Variants in SH2D4A observed in about 807,000 individuals in gnomAD.
SH2D4A encodes the protein SH2 domain containing 4A.
SH2D4A carries 70 observed loss-of-function variants against 64.7 expected under a neutral mutation model. The ratio of observed to expected loss-of-function variants is 1.08; its 90% CI spans 0.89 to 1.32. The LOEUF (loss-of-function observed/expected upper bound fraction) is 1.32, where lower values mean the gene tolerates loss of function less well. SH2D4A is among the 40% of genes most tolerant of loss of function. The pLI is 0.00. For synonymous variants in SH2D4A, 268 were observed against 200.7 expected, an observed-to-expected ratio of 1.34 and a Z score of -2.83; for missense variants, 706 against 540.1, an observed-to-expected ratio of 1.31 and a Z score of -3.04.
chr8:19,355,216 CA>C (rs1165714093), intron 4 of SH2D4A, among the ~76,000 whole-genome samples: 1 of 152,026 alleles, frequency 6.6e-6, no homozygotes, highest in East Asian at 1.9e-4. Context: ...ATCCTTTTTG[CA>C]AAACGGTGCC....
intron 1 of SH2D4A, among the ~76,000 whole-genome samples, chr8:19,315,094 T>C (rs893020114): frequency 1.4e-5 from 2 of 146,766 alleles, no homozygotes; most frequent in Admixed American, 1.3e-4. Context: ...CCGCAGTTAC[T>C]TTTTTTTTGG....
intron 7 of SH2D4A, among the ~76,000 whole-genome samples, chr8:19,365,571 C>G (rs2052979826): frequency 6.6e-6 from 1 of 152,154 alleles, no homozygotes; most frequent in African/African-American, 2.4e-5. Flanking sequence ...ATGGAAATGA[C>G]TTGTAGATGT....
At position 19,394,616 on chromosome 8, in the gene SH2D4A, CCTGA is replaced by C. The variant is rs1563218059; in HGVS notation, c.1342_1345del (p.Asp448ThrfsTer44). The C allele has an allele frequency of 6.2e-7, 1 of 1,610,854 alleles. No homozygotes were observed. The highest frequency in any genetic ancestry group is 8.5e-7 in the Non-Finnish European group (1 of 1,178,070). ...TCCCTGTGGTCAGCAGGACCAGCTGCCTGACTACCTGGAGCTGTTTGAGTGACAG... is the reference window on the plus strand; with the variant it reads ...TCCCTGTGGTCAGCAGGACCAGCTGCCTACCTGGAGCTGTTTGAGTGACAG... On this transcript the variant is annotated frameshift_variant, in exon 10 of 10. Coordinates refer to ENST00000265807, the MANE Select transcript of SH2D4A (RefSeq NM_022071.4). LOFTEE classifies it high-confidence loss of function.
At chr8:19,359,649 G>A (rs895120681) in intron 5 of SH2D4A, among the ~76,000 whole-genome samples, 38 of 151,916 alleles carry the variant, frequency 2.5e-4, no homozygotes, top group African/African-American at 8.2e-4. Flanking sequence ...ATTTTCAAAT[G>A]TTGGCAAACA....
At chr8:19,353,676 T>TTTTTG in intron 4 of SH2D4A, among the ~76,000 whole-genome samples, 1 of 136,724 alleles carries the variant, frequency 7.3e-6, no homozygotes, top group African/African-American at 2.9e-5. Context: ...CTCTAGCTGT[T>TTTTTG]TTTTTTTTTT....
intron 8 of SH2D4A, among the ~76,000 whole-genome samples, chr8:19,374,844 C>T (rs939126669): frequency 1.3e-5 from 2 of 152,048 alleles, no homozygotes; most frequent in Non-Finnish European, 2.9e-5. Context: ...ATGCATTAGC[C>T]GCGGCTGTCT....
intron 7 of SH2D4A, among the ~76,000 whole-genome samples, chr8:19,367,543 T>C (rs1283755134): frequency 6.6e-6 from 1 of 152,210 alleles, no homozygotes; most frequent in East Asian, 1.9e-4. Flanking sequence ...ATGTCTTCTT[T>C]TGAGAAATGC....
At chr8:19,328,287 A>G (rs2117195490) in intron 2 of SH2D4A, among the ~76,000 whole-genome samples, 1 of 152,198 alleles carries the variant, frequency 6.6e-6, no homozygotes, top group Non-Finnish European at 1.5e-5. Context: ...TGGATTCCAG[A>G]TGTCGATTGA....
chr8:19,353,677 T>TTTTTTG (rs1554481608), intron 4 of SH2D4A, among the ~76,000 whole-genome samples: 8 of 144,410 alleles, frequency 5.5e-5, no homozygotes, highest in African/African-American at 2.1e-4. Context: ...TCTAGCTGTT[T>TTTTTTG]TTTTTTTTTT....
At chr8:19,321,747 A>G (rs2052195551) in intron 2 of SH2D4A, among the ~76,000 whole-genome samples, 2 of 152,180 alleles carry the variant, frequency 1.3e-5, no homozygotes, top group South Asian at 4.1e-4. Context: ...CACCATGTTC[A>G]CTGTGAACAT....
chr8:19,317,914 A>G (rs1482093569), intron 1 of SH2D4A, among the ~76,000 whole-genome samples: 1 of 147,926 alleles, frequency 6.8e-6, no homozygotes. Context: ...TTCTTTTTTT[A>G]TTTTTGAGAC....
At chr8:19,325,500 TC>T (rs1449960448) in intron 2 of SH2D4A, among the ~76,000 whole-genome samples, 1 of 152,134 alleles carries the variant, frequency 6.6e-6, no homozygotes, top group Non-Finnish European at 1.5e-5. Context: ...ACTTTTCTGT[TC>T]CCCCAACTCT....
rs149104501 is a variant in SH2D4A, at chr8:19,383,762, C to T, written c.1049-9556C>T. Reference sequence around the variant, plus strand: ...ATGGCCATGAATAGTCATAATTTTCCGCATATATGCAATTATTTTTGAATG... The same window carrying T: ...ATGGCCATGAATAGTCATAATTTTCTGCATATATGCAATTATTTTTGAATG... On this transcript the variant is annotated intron_variant, in intron 8 of 9. Transcript: ENST00000265807. Among the ~76,000 whole-genome samples, 159 of 151,942 alleles carry T rather than the reference C, an allele frequency of 1.0e-3. 1 individual carries two copies. The highest frequency in any genetic ancestry group is 3.5e-3 in the African/African-American group (145 of 41,408).
At chr8:19,339,195 G>C (rs1359450414) in intron 4 of SH2D4A, among the ~76,000 whole-genome samples, 1 of 152,208 alleles carries the variant, frequency 6.6e-6, no homozygotes, top group Non-Finnish European at 1.5e-5. Context: ...AGACTCAGAA[G>C]GTCTAGTCCT....
chr8:19,384,033 G>T (rs2053343425), intron 8 of SH2D4A, among the ~76,000 whole-genome samples: 2 of 152,216 alleles, frequency 1.3e-5, no homozygotes, highest in African/African-American at 4.8e-5. Flanking sequence ...TGCAGTTTAA[G>T]TTCATCTCTC....
At chr8:19,330,780 C>G (rs913096301) in intron 2 of SH2D4A, among the ~76,000 whole-genome samples, 10 of 152,032 alleles carry the variant, frequency 6.6e-5, no homozygotes, top group South Asian at 6.2e-4. Context: ...AAAAAAAATA[C>G]CGACAGAGAA....
intron 4 of SH2D4A, among the ~76,000 whole-genome samples, chr8:19,349,170 C>G (rs2052659006): frequency 1.3e-5 from 2 of 152,010 alleles, no homozygotes; most frequent in Non-Finnish European, 2.9e-5. Flanking sequence ...TTGGACATAC[C>G]AGGTAAAAAC....
rs559003016 is a variant in SH2D4A at position 19,358,090 on chromosome 8, C to T, written c.594+807C>T. The stretch of plus-strand genomic sequence containing the variant: ...GAACTGTAGTCCTGTGTGCATACTG[C>T]TGATACAATACATACTTCTTTCTAA... On this transcript the variant is annotated intron_variant, in intron 5 of 9. Coordinates refer to ENST00000265807, the MANE Select transcript of SH2D4A (RefSeq NM_022071.4). Among the ~76,000 whole-genome samples, 35 of 152,310 alleles carry T rather than the reference C, an allele frequency of 2.3e-4. 2 individuals are homozygous for T. In the South Asian group the frequency reaches 7.0e-3, roughly 31 times the overall value.
intron 6 of SH2D4A, among the ~76,000 whole-genome samples, chr8:19,363,351 A>G (rs2052926212): frequency 6.6e-6 from 1 of 152,150 alleles, no homozygotes; most frequent in Non-Finnish European, 1.5e-5. Flanking sequence ...TGCAGGTATT[A>G]CAGGTATGAG....
Sources: allele counts gnomAD v4.1 joint callset (sites outside exome capture counted in the v4.1 genomes callset), GRCh38; gene constraint gnomAD v4.1.1; transcripts MANE v1.5; gene names NCBI Gene and HGNC (gene_info 2026-07-23, HGNC 2026-07-21).